The following ADAM17 variants were observed in gnomAD, a reference collection of about 807,000 sequenced individuals.
ADAM17 encodes disintegrin and metalloproteinase domain-containing protein 17.
ADAM17 carries 39 observed loss-of-function variants against 96.7 expected under a neutral mutation model. The ratio of observed to expected loss-of-function variants is 0.40; its 90% confidence interval spans 0.31 to 0.53. ADAM17 has a LOEUF of 0.53. Ranked by LOEUF, ADAM17 falls within the 20% of genes least tolerant of loss-of-function variation. The pLI, the probability that ADAM17 is intolerant of heterozygous loss-of-function variation, is 0.44. For synonymous variants in ADAM17, 344 were observed against 359.2 expected (o/e 0.96, Z 0.48); for missense variants, 777 against 1,013.2 (o/e 0.77, Z 3.17).
rs143293318 is a variant in ADAM17, at chr2:9,505,338, T to C, written c.1372A>G (p.Ile458Val). The C allele has an allele frequency of 1.1e-5, 18 of 1,614,172 alleles. No homozygotes were observed. The African/African-American group carries it at 1.2e-4, about 11-fold the overall frequency. The change falls in exon 12 of 19, where the codon ATC (isoleucine) becomes GTC (valine). Residue 458 changes from isoleucine (I) to valine (V), a missense_variant. This residue lies in a region of ADAM17 where 446 missense variants were observed against 664.7 expected (regional missense o/e 0.67). Coordinates refer to ENST00000310823, the MANE Select transcript of ADAM17 (RefSeq NM_003183.6). The stretch of plus-strand genomic sequence containing the variant: ...GCCTTACTTTCAATGGTCTTATAGA[T>C]TGATTGTTTACTGCAGTTTGAAAAC... ...KMFSNCSKQSIYKTIESKAQE... is the reference protein window; with the variant it reads ...KMFSNCSKQSVYKTIESKAQE...
chr2:9,542,847 G>A (rs1419214551), intron 2 of ADAM17, among the ~76,000 whole-genome samples: 22 of 152,082 alleles, frequency 1.4e-4, no homozygotes, highest in Admixed American at 1.4e-3. Flanking sequence ...ACAGGCACGT[G>A]TCACCATGCC....
At chr2:9,528,020 T>G in intron 4 of ADAM17, 66 bp from the exon 5 acceptor site, 1 of 1,096,844 alleles carries the variant, frequency 9.1e-7, no homozygotes, top group Non-Finnish European at 1.2e-6. Flanking sequence ...TAAATTCTTC[T>G]AACATTCTTT....
intron 11 of ADAM17, among the ~76,000 whole-genome samples, chr2:9,508,520 A>G (rs1452437519): frequency 6.6e-6 from 1 of 152,266 alleles, no homozygotes; most frequent in South Asian, 2.1e-4. Flanking sequence ...AACCATTGCT[A>G]TAAGTCAATT....
At chr2:9,526,406 A>G (rs924355795) in intron 5 of ADAM17, 162 bp from the exon 6 acceptor site, 1 of 767,334 alleles carries the variant, frequency 1.3e-6, no homozygotes, top group Non-Finnish European at 2.0e-6. Flanking sequence ...GGAAGACAGA[A>G]AAGTGAAAAG....
chr2:9,514,474 T>TG (rs1431971203), intron 10 of ADAM17, among the ~76,000 whole-genome samples: 31 of 137,356 alleles, frequency 2.3e-4, no homozygotes, highest in African/African-American at 8.0e-4. Flanking sequence ...GTAACAAACC[T>TG]GCACGTTGTG....
intron 1 of ADAM17, among the ~76,000 whole-genome samples, chr2:9,548,418 G>A (rs1316797338): frequency 2.6e-5 from 4 of 151,894 alleles, no homozygotes; most frequent in Non-Finnish European, 5.9e-5. Flanking sequence ...AAATCTGCTG[G>A]TAGGCTGCAG....
At chr2:9,534,964 G>A (rs1664901736) in intron 4 of ADAM17, among the ~76,000 whole-genome samples, 1 of 152,156 alleles carries the variant, frequency 6.6e-6, no homozygotes, top group African/African-American at 2.4e-5. Context: ...TGGTAGGCCA[G>A]ACTCCTCAAA....
chr2:9,523,070 C>T (rs1402787585), intron 7 of ADAM17, among the ~76,000 whole-genome samples, 179 bp downstream of exon 7: 1 of 152,188 alleles, frequency 6.6e-6, no homozygotes, highest in Non-Finnish European at 1.5e-5. Context: ...CAGAAAACTT[C>T]ACAATCTAGA....
rs1664593914 is a variant in ADAM17, at chr2:9,527,970, T to C, written c.451-16A>G. ...TCCAAAGTGGCTAAAACAGAAAATA[T>C]ATACGACTGAGATGGAAAACAATAA... On this transcript the variant is annotated splice_polypyrimidine_tract_variant and intron_variant, in intron 4 of 18. Transcript: ENST00000310823. 3.5e-6 allele frequency: 5 copies of C among 1,447,932 alleles called. No individual in the cohort carries two copies. The highest frequency in any genetic ancestry group is 2.8e-6 in the Non-Finnish European group (3 of 1,083,260). The allele number at this position is 1,447,932 out of a possible 1,614,324, so 89.7% of individuals were successfully genotyped here. A position where few individuals can be genotyped will look rare whatever the true frequency, so the allele number is the denominator to read the frequency against.
At chr2:9,495,897 A>G (rs1042681787) in intron 14 of ADAM17, among the ~76,000 whole-genome samples, 5 of 147,564 alleles carry the variant, frequency 3.4e-5, no homozygotes, top group East Asian at 3.9e-4. Flanking sequence ...AGGTTTCACA[A>G]TGTTGCCCAG....
intron 1 of ADAM17, among the ~76,000 whole-genome samples, chr2:9,547,930 G>A (rs1431410554): frequency 1.3e-5 from 2 of 152,122 alleles, no homozygotes; most frequent in Non-Finnish European, 2.9e-5. Flanking sequence ...AGCCAGGCGT[G>A]GTGGTGTACA....
intron 10 of ADAM17, among the ~76,000 whole-genome samples, chr2:9,514,293 T>C (rs1663910819): frequency 8.1e-6 from 1 of 123,272 alleles, no homozygotes; most frequent in Non-Finnish European, 1.6e-5. Context: ...CACTCAAAGG[T>C]GGGAATTGAA....
intron 2 of ADAM17, among the ~76,000 whole-genome samples, chr2:9,542,739 C>T (rs1428612647): frequency 6.6e-6 from 1 of 152,166 alleles, no homozygotes; most frequent in East Asian, 1.9e-4. Flanking sequence ...CACTCTGTTG[C>T]CCAGTCTGGA....
chr2:9,514,201 C>T (rs1304046438), intron 10 of ADAM17, among the ~76,000 whole-genome samples: 1 of 151,582 alleles, frequency 6.6e-6, no homozygotes, highest in Non-Finnish European at 1.5e-5. Context: ...AGTTCATGTC[C>T]TTCGTAGGGA....
chr2:9,517,914 G>T lies in ADAM17; in HGVS notation c.1178C>A (p.Thr393Asn). Residue 393 changes from threonine to asparagine, a missense_variant, in exon 10 of 19, where the codon ACC (threonine) becomes AAC (asparagine). By Grantham distance (65) the Thr-to-Asn change is moderately conservative (BLOSUM62 0). Transcript: ENST00000310823. ...AAAAGAACATACCTTTGTAAGGATG[G>T]TTTTACCATAATTCTTTGTGCTCGT... ...GLTSTKNYGK[T>N]ILTKEADLVT... 1.3e-6 allele frequency: 2 copies of T among 1,594,434 alleles called. No individual in the cohort carries two copies. The highest frequency in any genetic ancestry group is 1.3e-5 in the African/African-American group (1 of 74,214).
At position 9,555,475 on chromosome 2, in the gene ADAM17, G is replaced by A; in HGVS notation, c.97+34C>T. On this transcript the variant is annotated intron_variant, in intron 1 of 18. Transcript: ENST00000310823. The stretch of plus-strand genomic sequence containing the variant: ...CTCTTCCCTCAAACGAGCGCTCCAG[G>A]CGCCGGCCTAAGCCAACTCCCCTGG... 2.6e-6 allele frequency: 4 copies of A among 1,520,372 alleles called. No individual in the cohort carries two copies. In the East Asian group the frequency reaches 9.8e-5, roughly 37 times the overall value. 94.2% of individuals were successfully genotyped at this position (1,520,372 alleles called of 1,614,324 possible). A position where few individuals can be genotyped will look rare whatever the true frequency, so the allele number is the denominator to read the frequency against.
intron 18 of ADAM17, 31 bp from the exon 19 acceptor site, chr2:9,490,549 G>A: frequency 6.3e-7 from 1 of 1,584,754 alleles, no homozygotes; most frequent in Non-Finnish European, 8.6e-7. Context: ...TTGATTGATA[G>A]GAATAAAAGA....
intron 16 of ADAM17, 24 bp downstream of exon 16, chr2:9,493,723 A>AG: frequency 6.3e-7 from 1 of 1,599,978 alleles, no homozygotes; most frequent in Non-Finnish European, 8.6e-7. Context: ...AGCTCTCAGT[A>AG]AGTAATCTGG....
At chr2:9,507,150 C>A (rs1663458804) in intron 11 of ADAM17, 1 of 152,120 alleles carries the variant, frequency 6.6e-6, no homozygotes, top group South Asian at 2.1e-4. Flanking sequence ...TATTTTTGTC[C>A]TGTAAGCCCT....
Sources: gnomAD v4.1 joint callset for allele counts (sites outside exome capture counted in the v4.1 genomes callset) on GRCh38, gnomAD v4.1.1 for gene constraint, gnomAD v4.1.1 regional missense constraint, MANE v1.5 for transcripts, NCBI Gene and HGNC (gene_info 2026-07-23, HGNC 2026-07-21) for gene names.